FBLN2: variants seen among roughly 807,000 people sequenced by gnomAD.
FBLN2 encodes the protein fibulin-2.
FBLN2 carries 81 observed loss-of-function variants against 123.7 expected under a neutral mutation model. The observed-to-expected ratio is 0.65, with a 90% CI of 0.55 to 0.79. The LOEUF is 0.79. Among genes scored for constraint, FBLN2 ranks in the 30% least tolerant of loss-of-function variants. The probability of loss-of-function intolerance (pLI) is 0.00; values close to 1 mark genes in which losing one functional copy is unlikely to be tolerated. For synonymous variants in FBLN2, 699 were observed against 701.4 expected (o/e 1.00, Z 0.05); for missense variants, 1,603 against 1,681.3 (o/e 0.95, Z 0.81).
intron 1 of FBLN2, among the ~76,000 whole-genome samples, chr3:13,553,519 C>G (rs1469048885): frequency 6.6e-6 from 1 of 152,204 alleles, no homozygotes; most frequent in Non-Finnish European, 1.5e-5. Context: ...ACCACAAACT[C>G]GCCTCAGCTG....
intron 2 of FBLN2, among the ~76,000 whole-genome samples, chr3:13,585,246 G>A (rs1224079765): frequency 1.3e-5 from 2 of 152,196 alleles, no homozygotes; most frequent in Non-Finnish European, 2.9e-5. Context: ...TTCCTGCTTG[G>A]CGTGAGGCTG....
intron 9 of FBLN2, among the ~76,000 whole-genome samples, chr3:13,622,894 G>A (rs1486770195): frequency 1.3e-5 from 2 of 152,254 alleles, no homozygotes; most frequent in Non-Finnish European, 2.9e-5. Flanking sequence ...TGGTGGCATC[G>A]GGTTAGCATT....
chr3:13,618,360 G>A (rs1705709302), intron 6 of FBLN2, 75 bp downstream of exon 6: 18 of 1,397,038 alleles, frequency 1.3e-5, no homozygotes, highest in East Asian at 4.6e-5. Flanking sequence ...TTCCTGGGGT[G>A]CACACTGTGG....
At chr3:13,606,503 T>TGAG (rs1705207905) in intron 2 of FBLN2, among the ~76,000 whole-genome samples, 1 of 152,118 alleles carries the variant, frequency 6.6e-6, no homozygotes, top group South Asian at 2.1e-4. Context: ...AACTCAGGAG[T>TGAG]GAGGGGTGCT....
At chr3:13,624,741 G>T (rs1273146489) in intron 9 of FBLN2, among the ~76,000 whole-genome samples, 1 of 152,250 alleles carries the variant, frequency 6.6e-6, no homozygotes, top group Non-Finnish European at 1.5e-5. Context: ...CTGTCCTTGA[G>T]GGCCGGGGCT....
intron 2 of FBLN2, among the ~76,000 whole-genome samples, chr3:13,591,678 A>G (rs540427965): frequency 2.0e-5 from 3 of 152,260 alleles, no homozygotes; most frequent in African/African-American, 7.2e-5. Flanking sequence ...AGTAATTTTT[A>G]GTATCTGCTA....
intron 2 of FBLN2, among the ~76,000 whole-genome samples, chr3:13,576,719 A>AT (rs1704155843): frequency 9.0e-6 from 1 of 110,810 alleles, no homozygotes; most frequent in Non-Finnish European, 1.7e-5. Context: ...GGTCAGGGGG[A>AT]TCCCCCCCCC....
At position 13,636,533 on chromosome 3, in the gene FBLN2, C is replaced by T. The variant is rs17854691; in HGVS notation, c.3303C>T (p.Phe1101=). ...AGGGTAGCTTCCGCTGCCTGCGCTT[C>T]GAGTGTCCTCCCAACTATGTCCAAG... ...NIQGSFRCLR[F]ECPPNYVQVS... Residue 1101 remains phenylalanine (F), a synonymous_variant, in exon 17 of 18, where the codon TTC becomes TTT. Coordinates refer to ENST00000404922, the MANE Select transcript of FBLN2 (RefSeq NM_001004019.2). 1.1e-4 allele frequency: 185 copies of T among 1,613,498 alleles called. No homozygotes were observed. The highest frequency in any genetic ancestry group is 8.7e-5 in the Non-Finnish European group (103 of 1,179,748).
chr3:13,584,155 C>G (rs998258125), intron 2 of FBLN2, among the ~76,000 whole-genome samples: 1 of 152,220 alleles, frequency 6.6e-6, no homozygotes, highest in African/African-American at 2.4e-5. Flanking sequence ...CTACAAGAAG[C>G]CTGGGATCTG....
chr3:13,557,247 AGCCT>A (rs1350125729), intron 1 of FBLN2, among the ~76,000 whole-genome samples: 1 of 152,242 alleles, frequency 6.6e-6, no homozygotes, highest in East Asian at 1.9e-4. Context: ...TGAGCGAGGC[AGCCT>A]GCTGCCCTAG....
chr3:13,616,876 T>C (rs1705626452), intron 5 of FBLN2, among the ~76,000 whole-genome samples: 2 of 152,204 alleles, frequency 1.3e-5, no homozygotes, highest in Admixed American at 1.3e-4. Context: ...GCTGCCCAAG[T>C]TGACCCAGCT....
chr3:13,638,148 G>A lies in FBLN2; in HGVS notation c.*229G>A, dbSNP rs1184488560. 1.6e-6 allele frequency: 1 copy of A among 643,642 alleles called. No individual in the cohort carries two copies. Among genetic ancestry groups the A allele is most frequent in the Non-Finnish European group, 2.8e-6 (1 of 362,104 alleles). The allele number at this position is 643,642 out of a possible 1,614,324, so 39.9% of individuals were successfully genotyped here. A position where few individuals can be genotyped will look rare whatever the true frequency, so the allele number is the denominator to read the frequency against. ...GTGGAAGCTTGCACGGTGGGCCACGGCCGTGGCGGGTGCCCTGTGGGTGAG... is the reference window on the plus strand; with the variant it reads ...GTGGAAGCTTGCACGGTGGGCCACGACCGTGGCGGGTGCCCTGTGGGTGAG... On this transcript the variant is annotated 3_prime_UTR_variant, in exon 18 of 18. Transcript: ENST00000404922.
intron 2 of FBLN2, among the ~76,000 whole-genome samples, chr3:13,573,734 A>C (rs1041087776): frequency 6.6e-6 from 1 of 151,876 alleles, no homozygotes; most frequent in African/African-American, 2.4e-5. Flanking sequence ...TGAAACCTCA[A>C]ATCTACTAAA....
Position 13,571,550 on chromosome 3 carries a change from A to C in FBLN2, c.1195A>C (p.Ile399Leu). The C allele has an allele frequency of 6.2e-7, 1 of 1,613,536 alleles. No individual in the cohort carries two copies. The highest frequency in any genetic ancestry group is 8.5e-7 in the Non-Finnish European group (1 of 1,179,804). ...CACATCACTGCCTGATGCAGCCTGGATCCCACCCACCCGAGAAGTGCCCAG... is the reference window on the plus strand; with the variant it reads ...CACATCACTGCCTGATGCAGCCTGGCTCCCACCCACCCGAGAAGTGCCCAG... The part of the protein sequence containing the change: ...LSTSLPDAAW[I>L]PPTREVPRKP... Residue 399 changes from isoleucine (I) to leucine (L), a missense_variant, in exon 2 of 18, where the codon ATC becomes CTC. Physicochemically the swap from Ile to Leu is conservative, Grantham distance 5. Transcript: ENST00000404922.
chr3:13,620,110 G>A (rs1705798625), intron 8 of FBLN2, among the ~76,000 whole-genome samples: 1 of 152,150 alleles, frequency 6.6e-6, no homozygotes, highest in Admixed American at 6.5e-5. Flanking sequence ...CCGGAGCAGT[G>A]CTTCTCCTGC....
chr3:13,611,690 C>T (rs1705396039), intron 4 of FBLN2, among the ~76,000 whole-genome samples: 1 of 152,196 alleles, frequency 6.6e-6, no homozygotes, highest in African/African-American at 2.4e-5. Flanking sequence ...TCGATGGACA[C>T]TTGGGTTGCT....
chr3:13,550,680 G>A (rs910910534), intron 1 of FBLN2, among the ~76,000 whole-genome samples: 1 of 152,114 alleles, frequency 6.6e-6, no homozygotes, highest in African/African-American at 2.4e-5. Context: ...TATGCCAAAT[G>A]GGGTGAAGAC....
rs754855304 is a variant in FBLN2, at chr3:13,636,528, C to T, written c.3298C>T (p.Arg1100Cys). 11 of 1,613,632 alleles carry T rather than the reference C, an allele frequency of 6.8e-6. No individual in the cohort carries two copies. Among genetic ancestry groups the T allele is most frequent in the Admixed American group, 6.7e-5 (4 of 59,986 alleles). ...CATCCAGGGTAGCTTCCGCTGCCTG[C>T]GCTTCGAGTGTCCTCCCAACTATGT... ...HNIQGSFRCL[R>C]FECPPNYVQV... The change falls in exon 17 of 18, where the codon CGC becomes TGC. Residue 1100 changes from arginine (R) to cysteine (C), a missense_variant. Coordinates refer to ENST00000404922, the MANE Select transcript of FBLN2 (RefSeq NM_001004019.2).
chr3:13,619,950 C>A, intron 8 of FBLN2, 119 bp downstream of exon 8: 1 of 711,964 alleles, frequency 1.4e-6, no homozygotes. Flanking sequence ...AGAGTCTTGG[C>A]TGCTATGATG....
Sources: allele counts gnomAD v4.1 joint callset (sites outside exome capture counted in the v4.1 genomes callset), GRCh38; gene constraint gnomAD v4.1.1; transcripts MANE v1.5; gene names NCBI Gene and HGNC (gene_info 2026-07-23, HGNC 2026-07-21).